IHO1: variants seen among roughly 807,000 people sequenced by gnomAD.
The protein encoded by IHO1 is interactor of HORMAD1 protein 1.
Under a neutral mutation model 31.0 loss-of-function variants are expected in IHO1, and 13 were observed. The ratio of observed to expected loss-of-function variants is 0.42; its 90% confidence interval spans 0.27 to 0.67. The LOEUF (loss-of-function observed/expected upper bound fraction) is 0.67. IHO1 is among the 30% of genes least tolerant of loss of function. The probability of loss-of-function intolerance (pLI) is 0.24; values close to 1 mark genes in which losing one functional copy is unlikely to be tolerated. For missense variants in IHO1, 599 were observed against 687.5 expected, an observed-to-expected ratio of 0.87 and a Z score of 1.44; for synonymous variants, 221 against 248.4, an observed-to-expected ratio of 0.89 and a Z score of 1.04.
chr3:49,251,556 T>A (rs2046759519), intron 6 of IHO1, among the ~76,000 whole-genome samples: 2 of 152,058 alleles, frequency 1.3e-5, no homozygotes, highest in African/African-American at 4.8e-5. Flanking sequence ...AGTGCTGGGA[T>A]TACTGGTGTG....
In IHO1 at chr3:49,241,245, C is replaced by T. The variant is rs768128795; in HGVS notation, c.251C>T (p.Thr84Ile). ...NYLEGEPSIF[T>I]KYQTKPQLFG... ...TAACAGGGTGAACCTAGCATTTTCA[C>T]AAAGTACCAGACAAAGCCCCAGCTG... The change falls in exon 4 of 8, where the codon ACA becomes ATA. Residue 84 changes from threonine (T) to isoleucine (I), a missense_variant. Transcript: ENST00000452691. 6.3e-7 allele frequency: 1 copy of T among 1,598,070 alleles called. No individual in the cohort carries two copies. Among genetic ancestry groups the T allele is most frequent in the East Asian group, 2.2e-5 (1 of 44,700 alleles).
chr3:49,217,729 G>T (rs1285925134), intron 2 of IHO1, among the ~76,000 whole-genome samples: 1 of 152,154 alleles, frequency 6.6e-6, no homozygotes, highest in Non-Finnish European at 1.5e-5. Flanking sequence ...CAACTAGACG[G>T]TCCCATTTGT....
At chr3:49,207,015 T>C (rs2046147063) in intron 1 of IHO1, among the ~76,000 whole-genome samples, 1 of 128,824 alleles carries the variant, frequency 7.8e-6, no homozygotes, top group African/African-American at 3.0e-5. Flanking sequence ...GCCATTGCAC[T>C]CCAGCCTGGG....
intron 2 of IHO1, chr3:49,213,900 A>G: frequency 6.0e-6 from 2 of 331,252 alleles, no homozygotes; most frequent in Non-Finnish European, 1.3e-5. Context: ...GTGCAGCGAC[A>G]GGCTGAAGGG....
upstream of IHO1, among the ~76,000 whole-genome samples, chr3:49,196,929 C>T (rs2046001075): frequency 4.0e-5 from 6 of 150,594 alleles, no homozygotes; most frequent in Admixed American, 2.7e-4. Context: ...CTCGGCCTCC[C>T]AGGGTGCTGG....
chr3:49,211,315 A>G (rs1326335868), intron 1 of IHO1, among the ~76,000 whole-genome samples: 2 of 151,914 alleles, frequency 1.3e-5, no homozygotes, highest in Non-Finnish European at 2.9e-5. Flanking sequence ...GCTTCCATTT[A>G]GTTCTAATTT....
At chr3:49,197,576 A>G (rs1303051489), upstream of IHO1, among the ~76,000 whole-genome samples, 1 of 152,142 alleles carries the variant, frequency 6.6e-6, no homozygotes, top group African/African-American at 2.4e-5. Context: ...AAACACTGCC[A>G]TCAAGAGAGT....
chr3:49,202,858 T>G (rs1447875215), intron 1 of IHO1, among the ~76,000 whole-genome samples: 1 of 140,886 alleles, frequency 7.1e-6, no homozygotes, highest in Admixed American at 7.0e-5. Context: ...TGTATTTTTT[T>G]TTTTTTTTTT....
intron 1 of IHO1, among the ~76,000 whole-genome samples, chr3:49,207,575 T>C (rs2046155393): frequency 6.6e-6 from 1 of 152,086 alleles, no homozygotes; most frequent in Non-Finnish European, 1.5e-5. Context: ...TTTTAGAAGC[T>C]GCCGATTTAA....
intron 1 of IHO1, among the ~76,000 whole-genome samples, chr3:49,210,852 C>T (rs533181726): frequency 6.6e-6 from 1 of 151,828 alleles, no homozygotes; most frequent in African/African-American, 2.4e-5. Context: ...CACGTCCCAC[C>T]ACACCCAGGT....
chr3:49,198,328 C>T (rs1412884079), upstream of IHO1: 1 of 152,270 alleles, frequency 6.6e-6, no homozygotes, highest in African/African-American at 2.4e-5. Flanking sequence ...TAGCTGATCT[C>T]TGCCTCCTCT....
intron 1 of IHO1, 70 bp from the exon 2 acceptor site, chr3:49,211,696 T>C: frequency 1.5e-6 from 1 of 665,220 alleles, no homozygotes. Flanking sequence ...GTACATATAA[T>C]AGTCACTAGT....
chr3:49,201,906 A>T (rs536674243), intron 1 of IHO1, among the ~76,000 whole-genome samples: 39 of 152,184 alleles, frequency 2.6e-4, no homozygotes, highest in Non-Finnish European at 5.6e-4. Flanking sequence ...TAATAGAGTG[A>T]AGCCCCAGCT....
intron 2 of IHO1, among the ~76,000 whole-genome samples, chr3:49,223,519 G>A (rs909514401): frequency 6.6e-6 from 1 of 152,010 alleles, no homozygotes; most frequent in Non-Finnish European, 1.5e-5. Flanking sequence ...GTGAAACCCC[G>A]TCTCTACTAA....
intron 2 of IHO1, among the ~76,000 whole-genome samples, chr3:49,223,949 C>A (rs185969305): frequency 6.6e-6 from 1 of 152,144 alleles, no homozygotes; most frequent in Non-Finnish European, 1.5e-5. Flanking sequence ...AGGGACCTTA[C>A]GATGGACCAA....
At chr3:49,203,106 ATCC>A (rs2046091660) in intron 1 of IHO1, among the ~76,000 whole-genome samples, 1 of 151,956 alleles carries the variant, frequency 6.6e-6, no homozygotes, top group Non-Finnish European at 1.5e-5. Context: ...AGCTCAGACA[ATCC>A]TCCTGCCTCA....
chr3:49,227,915 C>G (rs561750622), intron 2 of IHO1, among the ~76,000 whole-genome samples: 1 of 152,116 alleles, frequency 6.6e-6, no homozygotes, highest in African/African-American at 2.4e-5. Flanking sequence ...GATAGTCCCC[C>G]CTACGACGGA....
Position 49,241,244 on chromosome 3 carries a change from A to C in IHO1, c.250A>C (p.Thr84Pro). The change falls in exon 4 of 8, where the codon ACA (threonine) becomes CCA (proline). Residue 84 changes from threonine to proline, a missense_variant. Physicochemically the swap from Thr to Pro is conservative, Grantham distance 38. Coordinates refer to ENST00000452691, the MANE Select transcript of IHO1 (RefSeq NM_001135197.2). ...NYLEGEPSIF[T>P]KYQTKPQLFG... Reference sequence around the variant, plus strand: ...TTAACAGGGTGAACCTAGCATTTTCACAAAGTACCAGACAAAGCCCCAGCT... The same window carrying C: ...TTAACAGGGTGAACCTAGCATTTTCCCAAAGTACCAGACAAAGCCCCAGCT... 1 of 1,599,360 alleles carries C rather than the reference A, an allele frequency of 6.3e-7. No individual in the cohort carries two copies. The highest frequency in any genetic ancestry group is 8.5e-7 in the Non-Finnish European group (1 of 1,174,654).
Position 49,256,649 on chromosome 3 carries a change from C to G in IHO1, c.1152C>G (p.Asp384Glu). 2 of 1,614,230 alleles carry G rather than the reference C, an allele frequency of 1.2e-6. No homozygotes were observed. The highest frequency in any genetic ancestry group is 1.7e-6 in the Non-Finnish European group (2 of 1,180,044). The stretch of plus-strand genomic sequence containing the variant: ...GCCATAAGATTCCCAGTGACAGGGA[C>G]CTGGTTTCCCAAGGAGCCTCACAGC... ...VPGHKIPSDR[D>E]LVSQGASQLT... Residue 384 changes from aspartate (D) to glutamate (E), a missense_variant, in exon 8 of 8, where the codon GAC becomes GAG. Transcript: ENST00000452691. This position sits in a 1 kb window ranked among gnomAD's most constrained non-coding sequence, Gnocchi z 4.6.
Sources: allele counts gnomAD v4.1 joint callset (sites outside exome capture counted in the v4.1 genomes callset), GRCh38; gene constraint gnomAD v4.1.1; non-coding constraint Gnocchi (gnomAD v3.1); transcripts MANE v1.5; gene names NCBI Gene and HGNC (gene_info 2026-07-23, HGNC 2026-07-21).